The following RERG variants were observed in gnomAD, a reference collection of about 807,000 sequenced individuals.
RERG encodes the protein RAS like estrogen regulated growth inhibitor.
A neutral mutation model predicts 23.2 loss-of-function variants in RERG; 25 were observed. The observed-to-expected ratio is 1.08, with a 90% CI of 0.79 to 1.50. The LOEUF is 1.50. RERG is among the 40% of genes most tolerant of loss of function. The probability of loss-of-function intolerance (pLI) is 0.00; values close to 1 mark genes in which losing one functional copy is unlikely to be tolerated. For missense variants in RERG, 253 were observed against 250.1 expected, an observed-to-expected ratio of 1.01 and a Z score of -0.08; for synonymous variants, 81 against 89.1, an observed-to-expected ratio of 0.91 and a Z score of 0.51.
intron 2 of RERG, among the ~76,000 whole-genome samples, chr12:15,125,671 A>C (rs1267656740): frequency 1.3e-5 from 2 of 152,064 alleles, no homozygotes; most frequent in Non-Finnish European, 2.9e-5. Context: ...AATAATGGAA[A>C]AGAGAAGAAT....
chr12:15,113,922 T>C (rs1863670247), intron 3 of RERG, among the ~76,000 whole-genome samples: 1 of 152,020 alleles, frequency 6.6e-6, no homozygotes, highest in Admixed American at 6.5e-5. Flanking sequence ...AACAGTGTGG[T>C]ACTAATATCA....
In RERG at chr12:15,210,357, T is replaced by C. The variant is rs147395630; in HGVS notation, c.61+7072A>G. 3.1e-3 allele frequency among the ~76,000 whole-genome samples: 465 copies of C among 152,288 alleles called. 3 individuals carry two copies. The highest frequency in any genetic ancestry group is 9.5e-3 in the African/African-American group (396 of 41,556). ...GCCATTAGTTTAAAATAAAGGACAA[T>C]TGAATTTTAATAATATATTCCAATA... is the stretch of plus-strand genomic sequence containing the variant. On this transcript the variant is annotated intron_variant, in intron 2 of 4. Coordinates refer to ENST00000256953, the MANE Select transcript of RERG (RefSeq NM_032918.3).
At chr12:15,144,901 T>C (rs1424296379) in intron 2 of RERG, among the ~76,000 whole-genome samples, 2 of 152,198 alleles carry the variant, frequency 1.3e-5, no homozygotes, top group African/African-American at 4.8e-5. Flanking sequence ...GAAACAGAAC[T>C]AGAACAAAAT....
At position 15,217,834 on chromosome 12, in the gene RERG, C is replaced by A. The variant is rs556682362; in HGVS notation, c.-114-231G>T. ...TGGTACTAAAACGTGCATTATCACA[C>A]ACAATAGCATTTCTAAAGTACTTCC... On this transcript the variant is annotated intron_variant, in intron 1 of 4. Transcript: ENST00000256953. 2.9e-5 allele frequency: 6 copies of A among 206,142 alleles called. No homozygotes were observed. The South Asian group carries it at 5.6e-4, about 19-fold the overall frequency. 12.8% of individuals were successfully genotyped at this position (206,142 alleles called of 1,614,324 possible).
intron 3 of RERG, chr12:15,114,417 G>A (rs573015395): frequency 2.0e-5 from 3 of 151,992 alleles, no homozygotes; most frequent in South Asian, 2.1e-4. Context: ...AAAGAAATAC[G>A]GCCAAAGTAT....
chr12:15,125,785 TGCA>T (rs932552727), intron 2 of RERG, among the ~76,000 whole-genome samples: 1 of 152,018 alleles, frequency 6.6e-6, no homozygotes, highest in African/African-American at 2.4e-5. Context: ...TTAAAAGTAA[TGCA>T]GTAGTGTTAT....
chr12:15,158,442 T>A (rs1028746142), intron 2 of RERG, among the ~76,000 whole-genome samples: 1 of 151,964 alleles, frequency 6.6e-6, no homozygotes, highest in African/African-American at 2.4e-5. Context: ...TCACCACACC[T>A]GGCTAATTTT....
intron 2 of RERG, among the ~76,000 whole-genome samples, chr12:15,172,681 T>C (rs1043224076): frequency 1.3e-5 from 2 of 152,116 alleles, no homozygotes; most frequent in Admixed American, 1.3e-4. Context: ...GCAGGTGGTA[T>C]CACATTGTGG....
intron 2 of RERG, among the ~76,000 whole-genome samples, chr12:15,185,419 G>A (rs1275472334): frequency 6.6e-6 from 1 of 152,096 alleles, no homozygotes; most frequent in African/African-American, 2.4e-5. Flanking sequence ...CTTGCAATGT[G>A]ATTCAGAGCA....
At chr12:15,165,263 G>A (rs991590659) in intron 2 of RERG, among the ~76,000 whole-genome samples, 10 of 152,036 alleles carry the variant, frequency 6.6e-5, no homozygotes, top group Admixed American at 2.0e-4. Context: ...AACTGTCTCC[G>A]TACAACTAAG....
intron 2 of RERG, among the ~76,000 whole-genome samples, chr12:15,127,099 C>T (rs1404460593): frequency 6.6e-6 from 1 of 152,212 alleles, no homozygotes; most frequent in Non-Finnish European, 1.5e-5. Context: ...AGCCATTAAT[C>T]ACTCATCTGT....
intron 2 of RERG, among the ~76,000 whole-genome samples, chr12:15,152,894 A>G (rs1864466307): frequency 6.6e-6 from 1 of 152,138 alleles, no homozygotes; most frequent in Admixed American, 6.6e-5. Flanking sequence ...TTTTACTTAT[A>G]TTAAATTCTC....
intron 2 of RERG, among the ~76,000 whole-genome samples, chr12:15,214,037 TGCGCGTGTGTGG>T (rs1865408288): frequency 1.0e-5 from 1 of 95,652 alleles, no homozygotes; most frequent in South Asian, 3.1e-4. Context: ...TGTGTGTGTG[TGCGCGTGTGTGG>T]AGTTTTTACC....
intron 2 of RERG, among the ~76,000 whole-genome samples, chr12:15,204,337 A>G (rs575488500): frequency 1.3e-5 from 2 of 151,876 alleles, no homozygotes; most frequent in Non-Finnish European, 3.0e-5. Flanking sequence ...TCTGCAACAA[A>G]TGATGTTGAG....
intron 3 of RERG, among the ~76,000 whole-genome samples, chr12:15,120,443 C>A (rs1315260557): frequency 1.3e-5 from 2 of 151,402 alleles, no homozygotes; most frequent in Non-Finnish European, 2.9e-5. Flanking sequence ...AGTCTTTATC[C>A]CTTTTAAACT....
chr12:15,128,914 T>G (rs1214528752), intron 2 of RERG, among the ~76,000 whole-genome samples: 3 of 152,176 alleles, frequency 2.0e-5, no homozygotes, highest in Non-Finnish European at 4.4e-5. Context: ...CACTTTTAGT[T>G]CTTCATACCT....
intron 2 of RERG, among the ~76,000 whole-genome samples, chr12:15,135,771 A>G (rs1864134833): frequency 6.6e-6 from 1 of 151,906 alleles, no homozygotes; most frequent in Non-Finnish European, 1.5e-5. Flanking sequence ...TGGCATATAC[A>G]CCTTTTTATA....
chr12:15,121,222 C>T (rs1565508536), intron 2 of RERG, 103 bp from the exon 3 acceptor site: 1 of 762,568 alleles, frequency 1.3e-6, no homozygotes, highest in African/African-American at 1.8e-5. Flanking sequence ...CCTATAAATG[C>T]TTTATATTTC....
intron 2 of RERG, among the ~76,000 whole-genome samples, chr12:15,209,717 T>C (rs914682424): frequency 1.3e-5 from 2 of 152,188 alleles, no homozygotes; most frequent in African/African-American, 4.8e-5. Context: ...TTTACAAAGT[T>C]TGTATGATAA....
Sources: allele counts gnomAD v4.1 joint callset (sites outside exome capture counted in the v4.1 genomes callset), GRCh38; gene constraint gnomAD v4.1.1; transcripts MANE v1.5; gene names NCBI Gene and HGNC (gene_info 2026-07-23, HGNC 2026-07-21).